ZBTB10: variants seen among roughly 807,000 people sequenced by gnomAD.
ZBTB10 encodes the protein zinc finger and BTB domain-containing protein 10.
In ZBTB10, 32 loss-of-function variants were observed where a neutral mutation model predicts 76.4. That is an observed-to-expected ratio of 0.42 (90% CI 0.32 to 0.56). ZBTB10 has a LOEUF of 0.56. ZBTB10 is among the 20% of genes least tolerant of loss of function. The pLI, the probability that ZBTB10 is intolerant of heterozygous loss-of-function variation, is 0.14. For missense variants in ZBTB10, 1,057 were observed against 1,098.5 expected (o/e 0.96, Z 0.53); for synonymous variants, 523 against 432.9 (o/e 1.21, Z -2.58).
At chr8:80,518,645 A>G (rs1816388094) in intron 4 of ZBTB10, 66 bp downstream of exon 4, 2 of 1,492,070 alleles carry the variant, frequency 1.3e-6, no homozygotes, top group African/African-American at 2.8e-5. Flanking sequence ...AAAAGCTTTC[A>G]TGTTCTGCAT....
rs1268576687 is a variant in ZBTB10 at position 80,486,831 on chromosome 8, C to T, written c.21C>T (p.Asn7=). Residue 7 remains asparagine, a synonymous_variant, in exon 1 of 6, where the codon AAC becomes AAT. Transcript: ENST00000455036. MSFSEM[N]RRTLAFRGGG... ...GCGCCATGTCGTTCAGTGAAATGAACCGCAGGACGCTGGCGTTCCGAGGAG... is the reference window on the plus strand; with the variant it reads ...GCGCCATGTCGTTCAGTGAAATGAATCGCAGGACGCTGGCGTTCCGAGGAG... The T allele has an allele frequency of 3.3e-6, 5 of 1,498,768 alleles. No individual in the cohort carries two copies. The Middle Eastern group carries it at 7.0e-4, about 211-fold the overall frequency. The allele number at this position is 1,498,768 out of a possible 1,614,324, so 92.8% of individuals were successfully genotyped here. A position where few individuals can be genotyped will look rare whatever the true frequency, so the allele number is the denominator to read the frequency against.
In ZBTB10 at chr8:80,524,688, C is replaced by G. The variant is rs1816515925; in HGVS notation, c.*5160C>G. 1 of 151,992 alleles carries G rather than the reference C, an allele frequency of 6.6e-6. No homozygotes were observed. Among genetic ancestry groups the G allele is most frequent in the Non-Finnish European group, 1.5e-5 (1 of 67,928 alleles). 9.4% of individuals were successfully genotyped at this position (151,992 alleles called of 1,614,324 possible). A position where few individuals can be genotyped will look rare whatever the true frequency, so the allele number is the denominator to read the frequency against. On this transcript the variant is annotated 3_prime_UTR_variant, in exon 6 of 6. Transcript: ENST00000455036. Reference sequence around the variant, plus strand: ...CACATAGCATTATAATGCCTAGTATCTTTAAACATGTAAAGAGCTATCATG... The same window carrying G: ...CACATAGCATTATAATGCCTAGTATGTTTAAACATGTAAAGAGCTATCATG...
intron 2 of ZBTB10, among the ~76,000 whole-genome samples, chr8:80,505,379 C>T (rs1409175052): frequency 1.3e-5 from 2 of 152,140 alleles, no homozygotes; most frequent in African/African-American, 4.8e-5. Flanking sequence ...GTAAATGCAG[C>T]AGTCGATTAT....
Position 80,521,650 on chromosome 8 carries a change from GA to G in ZBTB10, c.*2123del, listed in dbSNP as rs1320361824. On this transcript the variant is annotated 3_prime_UTR_variant, in exon 6 of 6. Transcript: ENST00000455036. ...TTAATGTACTTTTACTTTTCCTCAAGATATGAACTTACTCTCTTGAAGCTGA... is the reference window on the plus strand; with the variant it reads ...TTAATGTACTTTTACTTTTCCTCAAGTATGAACTTACTCTCTTGAAGCTGA... 6.6e-6 allele frequency: 1 copy of G among 151,670 alleles called. No individual in the cohort carries two copies. The highest frequency in any genetic ancestry group is 1.5e-5 in the Non-Finnish European group (1 of 67,728). 9.4% of individuals were successfully genotyped at this position (151,670 alleles called of 1,614,324 possible). A position where few individuals can be genotyped will look rare whatever the true frequency, so the allele number is the denominator to read the frequency against.
chr8:80,503,890 C>T (rs1395924556), intron 2 of ZBTB10, among the ~76,000 whole-genome samples: 2 of 152,192 alleles, frequency 1.3e-5, no homozygotes, highest in Non-Finnish European at 2.9e-5. Flanking sequence ...AAATGTTAGA[C>T]GTTTAAAGAG....
chr8:80,508,304 A>G (rs1263471468), intron 2 of ZBTB10, among the ~76,000 whole-genome samples: 1 of 152,242 alleles, frequency 6.6e-6, no homozygotes, highest in Admixed American at 6.5e-5. Context: ...CAGACTTAAT[A>G]TATAGTAGGG....
At position 80,519,538 on chromosome 8, in the gene ZBTB10, T is replaced by C. The variant is rs1301779073; in HGVS notation, c.*10T>C. The C allele has an allele frequency of 7.5e-6, 12 of 1,600,384 alleles. No homozygotes were observed. Among genetic ancestry groups the C allele is most frequent in the South Asian group, 1.1e-5 (1 of 88,364 alleles). On this transcript the variant is annotated 3_prime_UTR_variant, in exon 6 of 6. Coordinates refer to ENST00000455036, the MANE Select transcript of ZBTB10 (RefSeq NM_001105539.3). ...GTCTCTAGATGATTAACTGACCTAC[T>C]ATACTCCTCAAGGATGCTGCATTTG...
At chr8:80,493,407 G>T (rs1243175371) in intron 1 of ZBTB10, among the ~76,000 whole-genome samples, 1 of 152,174 alleles carries the variant, frequency 6.6e-6, no homozygotes, top group African/African-American at 2.4e-5. Flanking sequence ...AACAATAGCA[G>T]TTTTAAGCAG....
chr8:80,518,622 A>G, intron 4 of ZBTB10, 43 bp downstream of exon 4: 1 of 1,514,808 alleles, frequency 6.6e-7, no homozygotes, highest in Non-Finnish European at 8.8e-7. Flanking sequence ...TAATTAAATA[A>G]TTGTTAACAA....
chr8:80,490,422 A>C (rs1230577834), intron 1 of ZBTB10, among the ~76,000 whole-genome samples: 1 of 151,784 alleles, frequency 6.6e-6, no homozygotes, highest in African/African-American at 2.4e-5. Context: ...TTTTTGTTGA[A>C]ACGGGAGTCT....
rs900003313 is a variant in ZBTB10 at position 80,487,042 on chromosome 8, G to A, written c.232G>A (p.Glu78Lys). 5.9e-6 allele frequency: 9 copies of A among 1,519,668 alleles called. No homozygotes were observed. The Admixed American group carries it at 1.8e-4, about 31-fold the overall frequency. The allele number at this position is 1,519,668 out of a possible 1,614,324, so 94.1% of individuals were successfully genotyped here. A position where few individuals can be genotyped will look rare whatever the true frequency, so the allele number is the denominator to read the frequency against. The change falls in exon 1 of 6, where the codon GAG becomes AAG. Residue 78 changes from glutamate to lysine, a missense_variant. Around this residue, in one of 5 missense-constraint regions of ZBTB10, gnomAD observed 556 missense variants for 451.7 expected, o/e 1.23. Transcript: ENST00000455036. ...GGAGGGCCTGGAGCCCCAAGACCTG[G>A]AGGCCTCCGCCGGGCCGGCCGCCGG... Reference protein sequence around the residue: ...ELEGLEPQDLEASAGPAAGAA... With the variant: ...ELEGLEPQDLKASAGPAAGAA...
chr8:80,510,773 G>C (rs1816172654), intron 2 of ZBTB10, among the ~76,000 whole-genome samples: 1 of 152,076 alleles, frequency 6.6e-6, no homozygotes, highest in African/African-American at 2.4e-5. Context: ...AGAAATCTTA[G>C]CCCTTTTTTT....
chr8:80,501,293 A>G (rs1257956738), intron 2 of ZBTB10, among the ~76,000 whole-genome samples: 1 of 152,184 alleles, frequency 6.6e-6, no homozygotes, highest in African/African-American at 2.4e-5. Context: ...TTTCTCTCCA[A>G]AAGTTCCGTA....
At chr8:80,492,687 C>T (rs1815662453) in intron 1 of ZBTB10, among the ~76,000 whole-genome samples, 1 of 151,736 alleles carries the variant, frequency 6.6e-6, no homozygotes, top group Admixed American at 6.6e-5. Flanking sequence ...GTATGTTGGC[C>T]AGGATAGTCT....
chr8:80,522,885 T>C lies in ZBTB10; in HGVS notation c.*3357T>C, dbSNP rs543280717. On this transcript the variant is annotated 3_prime_UTR_variant, in exon 6 of 6. Transcript: ENST00000455036. ...CGGCCTGAATATCACTGTAGTAGTA[T>C]CATACGGGGGAAAGTGTGATGGAAA... 6.6e-6 allele frequency: 1 copy of C among 152,080 alleles called. No homozygotes were observed. The highest frequency in any genetic ancestry group is 1.9e-4 in the East Asian group (1 of 5,186). The allele number at this position is 152,080 out of a possible 1,614,324, so 9.4% of individuals were successfully genotyped here. A position where few individuals can be genotyped will look rare whatever the true frequency, so the allele number is the denominator to read the frequency against.
chr8:80,495,136 T>TCTC (rs199776677), intron 1 of ZBTB10, among the ~76,000 whole-genome samples: 5 of 87,290 alleles, frequency 5.7e-5, no homozygotes, highest in African/African-American at 1.5e-4. Flanking sequence ...TCTCTCTCTC[T>TCTC]TTTTTTTTTT....
At chr8:80,488,137 G>C (rs979172827) in intron 1 of ZBTB10, among the ~76,000 whole-genome samples, 3 of 152,184 alleles carry the variant, frequency 2.0e-5, no homozygotes, top group African/African-American at 7.2e-5. Flanking sequence ...TATTAGCTGT[G>C]ATTTTAGAGA....
rs567731498 is a variant in ZBTB10 at position 80,500,664 on chromosome 8, T to G, written c.1861+282T>G. 2.3e-4 allele frequency among the ~76,000 whole-genome samples: 35 copies of G among 152,352 alleles called. 2 individuals carry two copies. The South Asian group carries it at 7.3e-3, about 32-fold the overall frequency. ...TCTGCTGCATGTACGGGTCTTTGAC[T>G]TTCCTCATTTTTAGCCTCTGTGCTC... is the stretch of plus-strand genomic sequence containing the variant. On this transcript the variant is annotated intron_variant, in intron 2 of 5. Coordinates refer to ENST00000455036, the MANE Select transcript of ZBTB10 (RefSeq NM_001105539.3).
upstream of ZBTB10, chr8:80,485,689 G>A: frequency 3.4e-6 from 4 of 1,168,372 alleles, no homozygotes; most frequent in Admixed American, 2.2e-5. Flanking sequence ...GTCCGTGGTC[G>A]TAACCTCTTC....
Sources: gnomAD v4.1 joint callset for allele counts (sites outside exome capture counted in the v4.1 genomes callset) on GRCh38, gnomAD v4.1.1 for gene constraint, gnomAD v4.1.1 regional missense constraint, MANE v1.5 for transcripts, NCBI Gene and HGNC (gene_info 2026-07-23, HGNC 2026-07-21) for gene names.